Variants in GREB1 observed in about 807,000 individuals in gnomAD.
The protein encoded by GREB1 is growth regulating estrogen receptor binding 1.
GREB1 carries 106 observed loss-of-function variants against 200.7 expected under a neutral mutation model. The observed-to-expected ratio is 0.53, with a 90% CI of 0.45 to 0.62. The LOEUF (loss-of-function observed/expected upper bound fraction) is 0.62, where lower values mean the gene tolerates loss of function less well. GREB1 is among the 20% of genes least tolerant of loss of function. The pLI, the probability that GREB1 is intolerant of heterozygous loss-of-function variation, is 0.00. For missense variants in GREB1, 2,243 were observed against 2,556.8 expected (o/e 0.88, Z 2.65); for synonymous variants, 1,132 against 1,092.4 (o/e 1.04, Z -0.72).
chr2:11,624,693 G>C (rs967147998), intron 23 of GREB1, among the ~76,000 whole-genome samples: 2 of 152,144 alleles, frequency 1.3e-5, no homozygotes, highest in African/African-American at 4.8e-5. Context: ...GCAGTATTTA[G>C]TGCAATAACT....
At chr2:11,615,383 T>A in intron 20 of GREB1, 93 bp downstream of exon 20, 1 of 1,103,020 alleles carries the variant, frequency 9.1e-7, no homozygotes, top group Non-Finnish European at 1.3e-6. Flanking sequence ...TGGAGACAGC[T>A]GTCTCCAGTT....
In GREB1 at chr2:11,565,143, T is replaced by C. The variant is rs190820612; in HGVS notation, c.278-1337T>C. Among the ~76,000 whole-genome samples the C allele has an allele frequency of 7.0e-4, 106 of 152,310 alleles. 2 individuals carry two copies. The highest frequency in any genetic ancestry group is 6.1e-3 in the Admixed American group (94 of 15,298). On this transcript the variant is annotated intron_variant, in intron 3 of 32. Coordinates refer to ENST00000381486, the MANE Select transcript of GREB1 (RefSeq NM_014668.4). ...ACCTGGGAGTCAGCTTGGCCTCCCTTCCTGGTCCACCTCTCTGTAGCTTGC... is the reference window on the plus strand; with the variant it reads ...ACCTGGGAGTCAGCTTGGCCTCCCTCCCTGGTCCACCTCTCTGTAGCTTGC...
chr2:11,532,026 T>C (rs1162287660), upstream of GREB1, among the ~76,000 whole-genome samples: 1 of 152,210 alleles, frequency 6.6e-6, no homozygotes, highest in Non-Finnish European at 1.5e-5. Flanking sequence ...CTTTCTACTA[T>C]TGTTTCGTAC....
In GREB1 at chr2:11,576,444, A is replaced by G. The variant is rs767348351; in HGVS notation, c.546A>G (p.Gln182=). The G allele has an allele frequency of 1.9e-6, 3 of 1,614,012 alleles. No individual in the cohort carries two copies. The Admixed American group carries it at 5.0e-5, about 27-fold the overall frequency. The change falls in exon 5 of 33, where the codon CAA becomes CAG. Residue 182 remains glutamine, a synonymous_variant. Coordinates refer to ENST00000381486, the MANE Select transcript of GREB1 (RefSeq NM_014668.4). The stretch of plus-strand genomic sequence containing the variant: ...ATATAAATCTGAAACTGACCACTCA[A>G]CCCAAGAAGCAGAAACACTTGAAGT... ...SNHINLKLTT[Q]PKKQKHLKYY...
chr2:11,562,813 T>A, intron 3 of GREB1: 1 of 405,472 alleles, frequency 2.5e-6, no homozygotes, highest in Non-Finnish European at 4.4e-6. Context: ...AAGGCAGGCC[T>A]CTGTGCCACT....
chr2:11,556,130 T>G (rs949292358), intron 1 of GREB1, among the ~76,000 whole-genome samples: 1 of 152,146 alleles, frequency 6.6e-6, no homozygotes, highest in Admixed American at 6.5e-5. Flanking sequence ...GTGGGAGACC[T>G]GCTAGCCTAT....
intron 1 of GREB1, among the ~76,000 whole-genome samples, chr2:11,507,283 C>G (rs1572563404): frequency 6.6e-6 from 1 of 152,058 alleles, no homozygotes; most frequent in East Asian, 1.9e-4. Context: ...GTGGCAGGTG[C>G]CTATAATCCC....
chr2:11,489,438 G>A (rs994161428), intron 1 of GREB1, among the ~76,000 whole-genome samples: 14 of 152,116 alleles, frequency 9.2e-5, no homozygotes, highest in African/African-American at 1.7e-4. Context: ...TGACCTGGGC[G>A]AGAGAGCCAG....
intron 1 of GREB1, among the ~76,000 whole-genome samples, chr2:11,546,526 G>A (rs1434049512): frequency 1.3e-5 from 2 of 152,158 alleles, no homozygotes; most frequent in African/African-American, 4.8e-5. Context: ...CATACTTGAA[G>A]TGAATAGGTA....
chr2:11,595,369 C>A lies in GREB1; in HGVS notation c.1815C>A (p.Thr605=), dbSNP rs1382026466. Residue 605 remains threonine, a synonymous_variant, in exon 12 of 33, where the codon ACC becomes ACA. Coordinates refer to ENST00000381486, the MANE Select transcript of GREB1 (RefSeq NM_014668.4). The stretch of plus-strand genomic sequence containing the variant: ...ACTCGCTGGGGGCCTTCTTTAGCAC[C>A]CTCTGTCCAGGTAGGCTTGTCGTGA... The part of the protein sequence containing the change: ...KVDSLGAFFS[T]LCPEGDIDIL... 1.9e-6 allele frequency: 3 copies of A among 1,613,462 alleles called. No individual in the cohort carries two copies. Among genetic ancestry groups the A allele is most frequent in the Non-Finnish European group, 2.5e-6 (3 of 1,179,678 alleles).
At chr2:11,624,982 A>G (rs1343624223) in intron 23 of GREB1, among the ~76,000 whole-genome samples, 172 bp from the exon 24 acceptor site, 2 of 152,212 alleles carry the variant, frequency 1.3e-5, no homozygotes, top group Admixed American at 6.5e-5. Context: ...CCTAGTGTGT[A>G]GCAGGCTGTG....
rs1421078530 is a variant in GREB1 at position 11,633,620 on chromosome 2, C to G, written c.4992-511C>G. Among the ~76,000 whole-genome samples, 1 of 151,462 alleles carries G rather than the reference C, an allele frequency of 6.6e-6. No homozygotes were observed. The highest frequency in any genetic ancestry group is 2.4e-5 in the African/African-American group (1 of 41,278). ...TTGAAGTATAATGCAGAAAATCACACTATCCATTTAGTATAATATATAGAC... is the reference window on the plus strand; with the variant it reads ...TTGAAGTATAATGCAGAAAATCACAGTATCCATTTAGTATAATATATAGAC... On this transcript the variant is annotated intron_variant, in intron 28 of 32. Transcript: ENST00000381486. This position sits in a 1 kb window ranked among gnomAD's most constrained non-coding sequence, Gnocchi z 4.1.
intron 18 of GREB1, among the ~76,000 whole-genome samples, chr2:11,611,457 C>T (rs986629027): frequency 5.3e-5 from 8 of 152,156 alleles, no homozygotes; most frequent in Non-Finnish European, 8.8e-5. Context: ...GAACCACCAG[C>T]GTGTGCCACC....
At position 11,602,539 on chromosome 2, in the gene GREB1, A is replaced by G. The variant is rs1015497710; in HGVS notation, c.2663A>G (p.Lys888Arg). The G allele has an allele frequency of 2.5e-6, 4 of 1,613,734 alleles. No homozygotes were observed. In the African/African-American group the frequency reaches 4.0e-5, roughly 16 times the overall value. ...GAGGCCATGGTCACTGCATTAGGAA[A>G]AAGGTACTTGTTTCTCTTCTAAGTT... ...SFEAMVTALG[K>R]RFPRLHSAVI... The change falls in exon 17 of 33, where the codon AAA (lysine) becomes AGA (arginine). Residue 888 changes from lysine (K) to arginine (R), a missense_variant. Physicochemically the swap from Lys to Arg is conservative, Grantham distance 26. Coordinates refer to ENST00000381486, the MANE Select transcript of GREB1 (RefSeq NM_014668.4).
intron 11 of GREB1, 44 bp downstream of exon 11, chr2:11,593,170 TGTTCCCGGTCCCCTCCTTTGGTG>T (rs756255699): frequency 1.6e-5 from 22 of 1,337,556 alleles, no homozygotes; most frequent in Non-Finnish European, 2.2e-5. Context: ...CCCTGAACGG[TGTTCCCGGTCCCCTCCTTTGGTG>T]GTTCTCTCCC....
chr2:11,617,311 G>A (rs1232984850), intron 21 of GREB1, among the ~76,000 whole-genome samples: 4 of 152,296 alleles, frequency 2.6e-5, no homozygotes, highest in East Asian at 1.9e-4. Context: ...CAGAGGCCCC[G>A]GGCAAGTCAG....
intron 3 of GREB1, 123 bp from the exon 4 acceptor site, chr2:11,566,357 G>T (rs535752258): frequency 1.1e-6 from 1 of 886,462 alleles, no homozygotes; most frequent in Admixed American, 3.2e-5. Flanking sequence ...TAATTTTGAG[G>T]TCAAGCACAC....
chr2:11,594,496 A>G (rs1288202225), intron 11 of GREB1, among the ~76,000 whole-genome samples: 1 of 151,888 alleles, frequency 6.6e-6, no homozygotes, highest in East Asian at 1.9e-4. Flanking sequence ...CTGGGACTAC[A>G]GGCGTGCACC....
At chr2:11,627,964 G>T (rs941026260) in intron 25 of GREB1, among the ~76,000 whole-genome samples, 2 of 152,230 alleles carry the variant, frequency 1.3e-5, no homozygotes, top group African/African-American at 4.8e-5. Flanking sequence ...GTGGGAGAGG[G>T]GAGGTGGGGT....
Sources: allele counts gnomAD v4.1 joint callset (sites outside exome capture counted in the v4.1 genomes callset), GRCh38; gene constraint gnomAD v4.1.1; non-coding constraint Gnocchi (gnomAD v3.1); transcripts MANE v1.5; gene names NCBI Gene and HGNC (gene_info 2026-07-23, HGNC 2026-07-21).